The following INPP4A variants were observed in gnomAD, a reference collection of about 807,000 sequenced individuals.
INPP4A encodes inositol polyphosphate-4-phosphatase, type I, 107kD.
Under a neutral mutation model 119.8 loss-of-function variants are expected in INPP4A, and 33 were observed. That is an observed-to-expected ratio of 0.28 (90% CI 0.21 to 0.37). The LOEUF is 0.37. Among genes scored for constraint, INPP4A ranks in the 10% least tolerant of loss-of-function variants. INPP4A has a pLI of 1.00. For missense variants in INPP4A, 956 were observed against 1,289.9 expected, an observed-to-expected ratio of 0.74 and a Z score of 3.97; for synonymous variants, 496 against 500.7, an observed-to-expected ratio of 0.99 and a Z score of 0.12.
intron 1 of INPP4A, among the ~76,000 whole-genome samples, chr2:98,459,284 C>T (rs1457195676): frequency 6.6e-6 from 1 of 152,162 alleles, no homozygotes; most frequent in African/African-American, 2.4e-5. Context: ...CCCACTCCTC[C>T]CTACCCTGGT....
At chr2:98,517,006 G>A (rs1686264049) in intron 1 of INPP4A, among the ~76,000 whole-genome samples, 1 of 151,958 alleles carries the variant, frequency 6.6e-6, no homozygotes, top group African/African-American at 2.4e-5. Context: ...AATCACCTGT[G>A]TACAGCTCAG....
Position 98,543,920 on chromosome 2 carries a change from G to A in INPP4A, c.862G>A (p.Glu288Lys). ...EELGELSPCWESLRRQIVTQY... is the reference protein window; with the variant it reads ...EELGELSPCWKSLRRQIVTQY... Reference sequence around the variant, plus strand: ...GCTGGGAGAGCTGTCCCCTTGCTGGGAGAGCCTCCGGCGCCAAATTGTCAC... The same window carrying A: ...GCTGGGAGAGCTGTCCCCTTGCTGGAAGAGCCTCCGGCGCCAAATTGTCAC... Residue 288 changes from glutamate to lysine, a missense_variant, in exon 11 of 25, where the codon GAG becomes AAG. By Grantham distance (56) the Glu-to-Lys change is moderately conservative. This residue lies in a region of INPP4A where 652 missense variants were observed against 797.9 expected (regional missense o/e 0.82). Transcript: ENST00000409851. 6.2e-7 allele frequency: 1 copy of A among 1,611,978 alleles called. No individual in the cohort carries two copies. Among genetic ancestry groups the A allele is most frequent in the South Asian group, 1.1e-5 (1 of 90,640 alleles).
At chr2:98,520,259 C>A in intron 3 of INPP4A, 105 bp downstream of exon 3, 1 of 860,188 alleles carries the variant, frequency 1.2e-6, no homozygotes, top group East Asian at 2.7e-5. Flanking sequence ...CCATGACTAC[C>A]CTAGACTACA....
Position 98,590,622 on chromosome 2 carries a change from TG to T in INPP4A, c.*3015del, listed in dbSNP as rs1437973689. On this transcript the variant is annotated 3_prime_UTR_variant, in exon 25 of 25. Coordinates refer to ENST00000409851, the MANE Select transcript of INPP4A (RefSeq NM_001134225.2). The stretch of plus-strand genomic sequence containing the variant: ...GTAACCCAGTCCTCGTTGTATGACT[TG>T]TCAAAATGCAGTTCCACTTGTATTA... 3 of 205,518 alleles carry T rather than the reference TG, an allele frequency of 1.5e-5. No individual in the cohort carries two copies. Among genetic ancestry groups the T allele is most frequent in the African/African-American group, 6.9e-5 (3 of 43,714 alleles). 12.7% of individuals were successfully genotyped at this position (205,518 alleles called of 1,614,324 possible). A position where few individuals can be genotyped will look rare whatever the true frequency, so the allele number is the denominator to read the frequency against.
chr2:98,567,537 C>T (rs911781703), intron 21 of INPP4A, among the ~76,000 whole-genome samples: 1 of 152,172 alleles, frequency 6.6e-6, no homozygotes, highest in African/African-American at 2.4e-5. Context: ...ATGATGGTGC[C>T]TGCATCCAGT....
chr2:98,523,380 GTTTT>G, intron 4 of INPP4A, among the ~76,000 whole-genome samples: 1 of 150,676 alleles, frequency 6.6e-6, no homozygotes, highest in Non-Finnish European at 1.5e-5. Flanking sequence ...TTTTTGTTTT[GTTTT>G]TGTTTTTGTT....
At position 98,566,318 on chromosome 2, in the gene INPP4A, T is replaced by C; in HGVS notation, c.2420+149T>C. 1 of 891,662 alleles carries C rather than the reference T, an allele frequency of 1.1e-6. No homozygotes were observed. The highest frequency in any genetic ancestry group is 1.6e-6 in the Non-Finnish European group (1 of 614,114). The allele number at this position is 891,662 out of a possible 1,614,324, so 55.2% of individuals were successfully genotyped here. A position where few individuals can be genotyped will look rare whatever the true frequency, so the allele number is the denominator to read the frequency against. On this transcript the variant is annotated intron_variant, in intron 21 of 24. Coordinates refer to ENST00000409851, the MANE Select transcript of INPP4A (RefSeq NM_001134225.2). The surrounding 1 kb of genome is among the most constrained non-coding windows in gnomAD (Gnocchi z 4.2). The stretch of plus-strand genomic sequence containing the variant: ...AACATTTTCATCATGGCCGTGCACC[T>C]CACTGTCTTTGGTGCTAGGGACACA...
intron 1 of INPP4A, among the ~76,000 whole-genome samples, chr2:98,470,462 C>T (rs970095873): frequency 2.0e-5 from 3 of 152,292 alleles, no homozygotes; most frequent in South Asian, 2.1e-4. Flanking sequence ...AGGCATGGCC[C>T]GCTGGGCTTC....
intron 1 of INPP4A, among the ~76,000 whole-genome samples, chr2:98,473,065 G>A (rs1315401464): frequency 6.6e-6 from 1 of 151,020 alleles, no homozygotes; most frequent in Admixed American, 6.6e-5. Context: ...GAGGAGGGCA[G>A]TGTGGGTGCA....
chr2:98,483,307 A>G lies in INPP4A; in HGVS notation c.-165-35657A>G, dbSNP rs547489400. On this transcript the variant is annotated intron_variant, in intron 1 of 24. Coordinates refer to ENST00000409851, the MANE Select transcript of INPP4A (RefSeq NM_001134225.2). The stretch of plus-strand genomic sequence containing the variant: ...ATTCTTTGTGTTTTGTGACCCAGTC[A>G]GTCCTACTAGTTTTCGTGCTAGGAG... Among the ~76,000 whole-genome samples the G allele has an allele frequency of 3.3e-5, 5 of 152,314 alleles. No individual in the cohort carries two copies. The East Asian group carries it at 9.6e-4, about 29-fold the overall frequency.
At chr2:98,497,440 T>C (rs1682226427) in intron 1 of INPP4A, among the ~76,000 whole-genome samples, 1 of 152,168 alleles carries the variant, frequency 6.6e-6, no homozygotes, top group African/African-American at 2.4e-5. Context: ...ATAGTAGCTC[T>C]ACTGATGGCT....
rs550095438 is a variant in INPP4A at position 98,588,512 on chromosome 2, G to T, written c.*904G>T. 1.5e-4 allele frequency: 32 copies of T among 215,504 alleles called. 1 individual carries two copies. In the South Asian group the frequency reaches 5.6e-3, roughly 37 times the overall value. The allele number at this position is 215,504 out of a possible 1,614,324, so 13.3% of individuals were successfully genotyped here. ...TATTTTCAGAAAAAAAATTTTTTTTGCAGGATTTCCAATTTATCTTTGAAA... is the reference window on the plus strand; with the variant it reads ...TATTTTCAGAAAAAAAATTTTTTTTTCAGGATTTCCAATTTATCTTTGAAA... On this transcript the variant is annotated 3_prime_UTR_variant, in exon 25 of 25. Transcript: ENST00000409851.
intron 4 of INPP4A, among the ~76,000 whole-genome samples, chr2:98,524,131 A>G (rs1457444556): frequency 1.3e-5 from 2 of 152,176 alleles, no homozygotes; most frequent in Non-Finnish European, 2.9e-5. Context: ...GCCATTATAA[A>G]CACTATCACA....
intron 1 of INPP4A, among the ~76,000 whole-genome samples, chr2:98,472,761 G>C (rs1676314048): frequency 6.6e-6 from 1 of 152,262 alleles, no homozygotes; most frequent in Non-Finnish European, 1.5e-5. Flanking sequence ...TCTTACAGAA[G>C]AGGGCATTGG....
chr2:98,544,051 A>G (rs1351769659), intron 11 of INPP4A, 44 bp downstream of exon 11: 5 of 1,491,558 alleles, frequency 3.4e-6, no homozygotes, highest in South Asian at 1.2e-5. Flanking sequence ...GTGCGCACAC[A>G]CACACACACA....
rs1700415456 is a variant in INPP4A, at chr2:98,591,776, T to C, written c.*4168T>C. 6.6e-6 allele frequency: 1 copy of C among 152,226 alleles called. No homozygotes were observed. Among genetic ancestry groups the C allele is most frequent in the African/African-American group, 2.4e-5 (1 of 41,446 alleles). 9.4% of individuals were successfully genotyped at this position (152,226 alleles called of 1,614,324 possible). A position where few individuals can be genotyped will look rare whatever the true frequency, so the allele number is the denominator to read the frequency against. ...TTCCAAGAACAGAAATGATTAGCCA[T>C]GTGGGGAGGTTACTTCATTGTACAT... On this transcript the variant is annotated 3_prime_UTR_variant, in exon 25 of 25. Coordinates refer to ENST00000409851, the MANE Select transcript of INPP4A (RefSeq NM_001134225.2).
At chr2:98,567,423 G>T (rs796087642) in intron 21 of INPP4A, among the ~76,000 whole-genome samples, 4 of 152,310 alleles carry the variant, frequency 2.6e-5, no homozygotes, top group African/African-American at 9.6e-5. Flanking sequence ...CACCAGCCCA[G>T]GAAGCAAAGC....
intron 18 of INPP4A, 96 bp from the exon 19 acceptor site, chr2:98,564,544 G>A: frequency 1.4e-6 from 2 of 1,453,892 alleles, no homozygotes; most frequent in Non-Finnish European, 1.9e-6. Flanking sequence ...AGCAGTGGCA[G>A]CAGAGGAAGG....
chr2:98,572,979 G>A (rs369376094), intron 23 of INPP4A, 52 bp downstream of exon 23: 16 of 1,289,964 alleles, frequency 1.2e-5, no homozygotes, highest in East Asian at 1.0e-4. Context: ...ACAGCTGAAC[G>A]TCATGACAGA....
Sources: allele counts gnomAD v4.1 joint callset (sites outside exome capture counted in the v4.1 genomes callset), GRCh38; gene constraint gnomAD v4.1.1; regional missense constraint gnomAD v4.1.1; non-coding constraint Gnocchi (gnomAD v3.1); transcripts MANE v1.5; gene names NCBI Gene and HGNC (gene_info 2026-07-23, HGNC 2026-07-21).